Variants in KIF7 observed in about 807,000 individuals in gnomAD.
KIF7 encodes the protein kinesin family member 7, also known as kinesin-like protein KIF7.
KIF7 carries 104 observed loss-of-function variants against 135.7 expected under a neutral mutation model. The ratio of observed to expected loss-of-function variants is 0.77; its 90% confidence interval spans 0.65 to 0.90. The LOEUF (loss-of-function observed/expected upper bound fraction) is 0.90. KIF7 is among the 40% of genes least tolerant of loss of function. KIF7 has a pLI of 0.00. For missense variants in KIF7, 2,005 were observed against 1,839.1 expected (o/e 1.09, Z -1.65); for synonymous variants, 883 against 809.4 (o/e 1.09, Z -1.54).
chr15:89,642,537 C>T, intron 10 of KIF7, 132 bp from the exon 11 acceptor site: 2 of 626,432 alleles, frequency 3.2e-6, no homozygotes, highest in Non-Finnish European at 5.5e-6. Flanking sequence ...CCACCAGTAC[C>T]ACAGTTTACT....
At chr15:89,621,291 G>A (rs1222282343) in intron 1 of KIF7, 2 of 1,240,394 alleles carry the variant, frequency 1.6e-6, no homozygotes, top group Non-Finnish European at 1.1e-6. Context: ...AAAGTGCTGG[G>A]ATTACAGGCG....
chr15:89,625,314 A>G (rs1567053868), downstream of KIF7: 2 of 1,613,992 alleles, frequency 1.2e-6, no homozygotes, highest in Non-Finnish European at 8.5e-7. Context: ...TTCCTTGGAC[A>G]CCATCCCCCA....
rs745638889 is a variant in KIF7 at position 89,633,784 on chromosome 15, G to T, written c.2494C>A (p.Arg832=). The T allele has an allele frequency of 2.2e-5, 36 of 1,611,524 alleles. No individual in the cohort carries two copies. The highest frequency in any genetic ancestry group is 4.5e-5 in the East Asian group (2 of 44,882). ...QELERNVQLM[R]QQQGQLQRRL... is the part of the protein sequence containing the mutation. ...CTCTGCAGCTGTCCCTGCTGCTGCC[G>T]CATGAGCTGCACGTTCCGCTCGAGC... is the stretch of plus-strand genomic sequence containing the variant. The change falls in exon 12 of 19, where the codon CGG becomes AGG. Residue 832 remains arginine, a synonymous_variant. Transcript: ENST00000394412.
At chr15:89,619,953 G>C in intron 1 of KIF7, 15 of 1,316,612 alleles carry the variant, frequency 1.1e-5, no homozygotes, top group Non-Finnish European at 1.5e-5. Context: ...TGGAGAAGTA[G>C]AATAGGTATG....
intron 11 of KIF7, among the ~76,000 whole-genome samples, chr15:89,638,801 G>A (rs1315369366): frequency 1.3e-5 from 2 of 152,056 alleles, no homozygotes; most frequent in African/African-American, 4.8e-5. Context: ...CTACTTTAAA[G>A]TTCATATAGA....
intron 17 of KIF7, 115 bp from the exon 18 acceptor site, chr15:89,629,237 C>T (rs746592735): frequency 5.5e-5 from 61 of 1,101,112 alleles, no homozygotes; most frequent in Non-Finnish European, 7.4e-5. Context: ...AGCGGTGGGC[C>T]GGGCCACCAG....
chr15:89,639,974 G>A (rs1963887188), intron 11 of KIF7, among the ~76,000 whole-genome samples: 1 of 152,208 alleles, frequency 6.6e-6, no homozygotes, highest in Non-Finnish European at 1.5e-5. Flanking sequence ...AAAAAATGAT[G>A]AGTTCATGTC....
intron 1 of KIF7, among the ~76,000 whole-genome samples, chr15:89,654,827 G>C (rs761802634): frequency 1.1e-4 from 16 of 152,212 alleles, no homozygotes; most frequent in Non-Finnish European, 2.1e-4. Flanking sequence ...TCTCAGCACA[G>C]TAACCTTTCG....
Position 89,628,311 on chromosome 15 carries a change from T to G in KIF7, c.*108A>C. ...CCCAGTGAGGGTACAGATGAGGGCCTGGATTTAGGGTGTGCGGTAAGGACT... is the reference window on the plus strand; with the variant it reads ...CCCAGTGAGGGTACAGATGAGGGCCGGGATTTAGGGTGTGCGGTAAGGACT... On this transcript the variant is annotated 3_prime_UTR_variant, in exon 19 of 19. Transcript: ENST00000394412. The G allele has an allele frequency of 1.4e-6, 2 of 1,423,674 alleles. No individual in the cohort carries two copies. The highest frequency in any genetic ancestry group is 9.5e-7 in the Non-Finnish European group (1 of 1,055,544). The allele number at this position is 1,423,674 out of a possible 1,614,324, so 88.2% of individuals were successfully genotyped here. A position where few individuals can be genotyped will look rare whatever the true frequency, so the allele number is the denominator to read the frequency against.
At chr15:89,657,301 A>G (rs1325385482), upstream of KIF7, among the ~76,000 whole-genome samples, 6 of 104,294 alleles carry the variant, frequency 5.8e-5, no homozygotes, top group Non-Finnish European at 1.1e-4. Flanking sequence ...AGAGAGTGAG[A>G]CCCTGTCTCA....
chr15:89,645,589 G>C (rs923116850), intron 8 of KIF7, 138 bp from the exon 9 acceptor site: 2 of 794,338 alleles, frequency 2.5e-6, no homozygotes, highest in Non-Finnish European at 4.2e-6. Context: ...TGTGAGTCTG[G>C]CAGAATCAGG....
chr15:89,632,297 C>G (rs1389756184), intron 14 of KIF7, among the ~76,000 whole-genome samples: 1 of 152,180 alleles, frequency 6.6e-6, no homozygotes, highest in Non-Finnish European at 1.5e-5. Context: ...CATTATGATC[C>G]CATCTGACAG....
intron 11 of KIF7, among the ~76,000 whole-genome samples, chr15:89,634,151 T>C (rs1338615076): frequency 6.6e-6 from 1 of 152,062 alleles, no homozygotes; most frequent in Non-Finnish European, 1.5e-5. Flanking sequence ...ATACAAAAAT[T>C]AGCTGGGTTT....
intron 15 of KIF7, chr15:89,630,827 G>T: frequency 4.5e-6 from 2 of 440,204 alleles, no homozygotes; most frequent in South Asian, 4.2e-5. Context: ...AGCTTCTACA[G>T]ATGGGGATAC....
upstream of KIF7, among the ~76,000 whole-genome samples, chr15:89,660,104 AGGAAAATCGCTTCAACCT>A (rs1365649380): frequency 1.3e-5 from 2 of 152,204 alleles, no homozygotes; most frequent in African/African-American, 4.8e-5. Context: ...AGGCTGAGGC[AGGAAAATCGCTTCAACCT>A]GGGAGGTGGG....
In KIF7 at chr15:89,648,979, G is replaced by A. The variant is rs988090940; in HGVS notation, c.918C>T (p.Ile306=). 33 of 1,536,650 alleles carry A rather than the reference G, an allele frequency of 2.1e-5. No homozygotes were observed. The highest frequency in any genetic ancestry group is 1.9e-4 in the Middle Eastern group (1 of 5,188). The change falls in exon 4 of 19, where the codon ATC becomes ATT. Residue 306 remains isoleucine, a synonymous_variant. Coordinates refer to ENST00000394412, the MANE Select transcript of KIF7 (RefSeq NM_198525.3). ...GGAGCCAGGGGGCAGCTCACCGGGT[G>A]ATCTTGGAGTCGCGGTAGGGTATGT... The part of the protein sequence containing the change: ...GSHIPYRDSK[I]TRILKDSLGG...
At chr15:89,635,684 AC>A (rs1263197611) in intron 11 of KIF7, among the ~76,000 whole-genome samples, 1 of 152,190 alleles carries the variant, frequency 6.6e-6, no homozygotes, top group Non-Finnish European at 1.5e-5. Context: ...ATGTGAAAAG[AC>A]CAAATCTACA....
At chr15:89,623,751 T>G (rs748040400), downstream of KIF7, 1 of 1,613,892 alleles carries the variant, frequency 6.2e-7, no homozygotes, top group Non-Finnish European at 8.5e-7. Context: ...AAATGACCCC[T>G]ACAAAGCAGG....
intron 11 of KIF7, among the ~76,000 whole-genome samples, chr15:89,635,512 G>A (rs1053824460): frequency 1.6e-4 from 25 of 152,290 alleles, no homozygotes; most frequent in Admixed American, 9.2e-4. Flanking sequence ...ACCAAGGCTC[G>A]AGAACTACGT....
Sources: allele counts gnomAD v4.1 joint callset (sites outside exome capture counted in the v4.1 genomes callset), GRCh38; gene constraint gnomAD v4.1.1; transcripts MANE v1.5; gene names NCBI Gene and HGNC (gene_info 2026-07-23, HGNC 2026-07-21).